The following SSTR4 variants were observed in gnomAD, a reference collection of about 807,000 sequenced individuals.
The protein encoded by SSTR4 is somatostatin receptor 4.
For synonymous variants in SSTR4, 272 were observed against 246.3 expected (o/e 1.10, Z -0.98); for missense variants, 649 against 540.6 (o/e 1.20, Z -1.99).
In SSTR4 at chr20:23,036,810, T is replaced by G. The variant is rs1984343330; in HGVS notation, c.*160T>G. The G allele has an allele frequency of 1.3e-6, 1 of 776,030 alleles. No individual in the cohort carries two copies. Among genetic ancestry groups the G allele is most frequent in the Non-Finnish European group, 2.0e-6 (1 of 498,692 alleles). The allele number at this position is 776,030 out of a possible 1,614,324, so 48.1% of individuals were successfully genotyped here. On this transcript the variant is annotated 3_prime_UTR_variant, in exon 1 of 1. Coordinates refer to ENST00000255008, the MANE Select transcript of SSTR4 (RefSeq NM_001052.4). ...CCGGAGAGTGTCAGAACTCTTCTGC[T>G]GCTCTCCTCTCCCCTGCACTCTGGC...
chr20:23,038,779 C>T lies in SSTR4; in HGVS notation c.*2129C>T, dbSNP rs1480818347. On this transcript the variant is annotated 3_prime_UTR_variant, in exon 1 of 1. Transcript: ENST00000255008. Reference sequence around the variant, plus strand: ...GGGCAGGAGATAGCACGCTTCTCTGCTTAGTCCTCCTTCCATCACCACTGG... The same window carrying T: ...GGGCAGGAGATAGCACGCTTCTCTGTTTAGTCCTCCTTCCATCACCACTGG... Among the ~76,000 whole-genome samples the T allele has an allele frequency of 6.6e-6, 1 of 152,224 alleles. No individual in the cohort carries two copies. Among genetic ancestry groups the T allele is most frequent in the African/African-American group, 2.4e-5 (1 of 41,456 alleles).
In SSTR4 at chr20:23,035,617, C is replaced by T. The variant is rs1420818755; in HGVS notation, c.134C>T (p.Ala45Val). 10 of 1,543,630 alleles carry T rather than the reference C, an allele frequency of 6.5e-6. No individual in the cohort carries two copies. The South Asian group carries it at 8.9e-5, about 14-fold the overall frequency. Residue 45 changes from alanine to valine, a missense_variant, in exon 1 of 1, where the codon GCG becomes GTG. Coordinates refer to ENST00000255008, the MANE Select transcript of SSTR4 (RefSeq NM_001052.4). ...GCGGGGCCCGGGGACGCGCGGGCGG[C>T]GGGCATGGTCGCTATCCAGTGCATC... ...AVAGPGDARA[A>V]GMVAIQCIYA...
In SSTR4 at chr20:23,035,726, T is replaced by C. The variant is rs1984287785; in HGVS notation, c.243T>C (p.Ala81=). The part of the protein sequence containing the change: ...VILRYAKMKT[A]TNIYLLNLAV... ...TTCGCTACGCCAAGATGAAGACGGC[T>C]ACCAACATCTACCTGCTCAACCTGG... Residue 81 remains alanine, a synonymous_variant, in exon 1 of 1, where the codon GCT becomes GCC. Coordinates refer to ENST00000255008, the MANE Select transcript of SSTR4 (RefSeq NM_001052.4). The C allele has an allele frequency of 6.4e-7, 1 of 1,573,154 alleles. No individual in the cohort carries two copies. Among genetic ancestry groups the C allele is most frequent in the Non-Finnish European group, 8.6e-7 (1 of 1,160,614 alleles).
Position 23,036,576 on chromosome 20 carries a change from C to T in SSTR4, c.1093C>T (p.Pro365Ser), listed in dbSNP as rs1036826418. Reference protein sequence around the residue: ...GGAGCMCPPLPCQQEALQPEP... With the variant: ...GGAGCMCPPLSCQQEALQPEP... ...GGCAGGGTGCATGTGCCCCCCACTC[C>T]CCTGCCAGCAGGAAGCCCTGCAACC... Residue 365 changes from proline to serine, a missense_variant, in exon 1 of 1, where the codon CCC (proline) becomes TCC (serine). Pro to Ser is a moderately conservative substitution (Grantham distance 74). Coordinates refer to ENST00000255008, the MANE Select transcript of SSTR4 (RefSeq NM_001052.4). 9 of 1,601,726 alleles carry T rather than the reference C, an allele frequency of 5.6e-6. No homozygotes were observed. The African/African-American group carries it at 9.4e-5, about 17-fold the overall frequency.
rs3746728 is a variant in SSTR4, at chr20:23,036,407, C to T, written c.924C>T (p.Pro308=). 595,224 of 1,613,856 alleles carry T rather than the reference C, an allele frequency of 0.37. 111,910 individuals carry two copies. The highest frequency in any genetic ancestry group is 0.46 in the Middle Eastern group (2,787 of 6,062). ...GCTATGCCAACAGCTGCGCCAACCC[C>T]ATTCTCTATGGCTTCCTCTCCGACA... The part of the protein sequence containing the change: ...ILSYANSCAN[P]ILYGFLSDNF... The change falls in exon 1 of 1, where the codon CCC becomes CCT. Residue 308 remains proline, a synonymous_variant. Transcript: ENST00000255008.
rs975639992 is a variant in SSTR4, at chr20:23,035,920, T to C, written c.437T>C (p.Val146Ala). 1.7e-5 allele frequency: 27 copies of C among 1,612,844 alleles called. No homozygotes were observed. Among genetic ancestry groups the C allele is most frequent in the Non-Finnish European group, 2.1e-5 (25 of 1,179,672 alleles). Reference protein sequence around the residue: ...CLTVLSVDRYVAVVHPLRAAT... With the variant: ...CLTVLSVDRYAAVVHPLRAAT... ...ACCGTGCTCAGCGTGGACCGCTACG[T>C]GGCCGTGGTGCACCCTCTGCGCGCG... The change falls in exon 1 of 1, where the codon GTG becomes GCG. Residue 146 changes from valine to alanine, a missense_variant. Coordinates refer to ENST00000255008, the MANE Select transcript of SSTR4 (RefSeq NM_001052.4).
chr20:23,035,469 C>T lies in SSTR4; in HGVS notation c.-15C>T, dbSNP rs769124119. 6.1e-6 allele frequency: 9 copies of T among 1,465,238 alleles called. No homozygotes were observed. The highest frequency in any genetic ancestry group is 8.0e-6 in the Non-Finnish European group (9 of 1,118,848). The allele number at this position is 1,465,238 out of a possible 1,614,324, so 90.8% of individuals were successfully genotyped here. ...CTCCGCCGCGCTCAGCTGCCCTGCGCCGGCACCCCTGGTCATGAGCGCCCC... is the reference window on the plus strand; with the variant it reads ...CTCCGCCGCGCTCAGCTGCCCTGCGTCGGCACCCCTGGTCATGAGCGCCCC... On this transcript the variant is annotated 5_prime_UTR_variant, in exon 1 of 1. Coordinates refer to ENST00000255008, the MANE Select transcript of SSTR4 (RefSeq NM_001052.4).
rs1182945647 is a variant in SSTR4 at position 23,036,863 on chromosome 20, G to A, written c.*213G>A. 9.5e-6 allele frequency: 5 copies of A among 527,996 alleles called. No individual in the cohort carries two copies. Among genetic ancestry groups the A allele is most frequent in the Non-Finnish European group, 1.6e-5 (5 of 303,606 alleles). 32.7% of individuals were successfully genotyped at this position (527,996 alleles called of 1,614,324 possible). ...TCAAAAGGATGCTTCCATATGGGTA[G>A]GACTCCTCTGGAAACTGGGCTAGGA... On this transcript the variant is annotated 3_prime_UTR_variant, in exon 1 of 1. Transcript: ENST00000255008.
In SSTR4 at chr20:23,036,333, T is replaced by G. The variant is rs3746726; in HGVS notation, c.850T>G (p.Phe284Val). ...CTACGTGGTGCAGCTGCTGAACCTC[T>G]TCGTGACCAGCCTTGATGCCACCGT... ...PFYVVQLLNL[F>V]VTSLDATVNH... Residue 284 changes from phenylalanine to valine, a missense_variant, in exon 1 of 1, where the codon TTC becomes GTC. Coordinates refer to ENST00000255008, the MANE Select transcript of SSTR4 (RefSeq NM_001052.4). The G allele has an allele frequency of 0.37, 594,337 of 1,613,980 alleles. 111,698 individuals carry two copies. The highest frequency in any genetic ancestry group is 0.46 in the Middle Eastern group (2,786 of 6,060).
In SSTR4 at chr20:23,035,338, C is replaced by A. The variant is rs912597005; in HGVS notation, c.-146C>A. On this transcript the variant is annotated 5_prime_UTR_variant, in exon 1 of 1. Coordinates refer to ENST00000255008, the MANE Select transcript of SSTR4 (RefSeq NM_001052.4). ...GGCGCGCGGCGCGGGGATTGGCGGG[C>A]GCTCCCCGGTGCCCGCAGCTCTTCA... 2 of 573,974 alleles carry A rather than the reference C, an allele frequency of 3.5e-6. No individual in the cohort carries two copies. The highest frequency in any genetic ancestry group is 4.7e-5 in the Admixed American group (1 of 21,238). The allele number at this position is 573,974 out of a possible 1,614,324, so 35.6% of individuals were successfully genotyped here. A position where few individuals can be genotyped will look rare whatever the true frequency, so the allele number is the denominator to read the frequency against.
At position 23,036,152 on chromosome 20, in the gene SSTR4, C is replaced by G. The variant is rs753745361; in HGVS notation, c.669C>G (p.Pro223=). ...VYTFLLGFLL[P]VLAIGLCYLL... The stretch of plus-strand genomic sequence containing the variant: ...CTTTCCTGCTGGGCTTCCTGCTGCC[C>G]GTGCTGGCCATTGGCCTGTGCTACC... The change falls in exon 1 of 1, where the codon CCC becomes CCG. Residue 223 remains proline (P), a synonymous_variant. Coordinates refer to ENST00000255008, the MANE Select transcript of SSTR4 (RefSeq NM_001052.4). 6.8e-6 allele frequency: 11 copies of G among 1,608,368 alleles called. No homozygotes were observed. Among genetic ancestry groups the G allele is most frequent in the African/African-American group, 2.7e-5 (2 of 74,924 alleles).
chr20:23,035,421 C>A lies in SSTR4; in HGVS notation c.-63C>A, dbSNP rs573667255. The A allele has an allele frequency of 1.3e-3, 1,569 of 1,220,230 alleles. 23 individuals are homozygous for A. The African/African-American group carries it at 0.023, about 18-fold the overall frequency. 75.6% of individuals were successfully genotyped at this position (1,220,230 alleles called of 1,614,324 possible). ...CAGCCCCCGCCCTGGGCCCGCCGCC[C>A]GAGCTCTCTGGCGCAGCGCTAGCTC... On this transcript the variant is annotated 5_prime_UTR_variant, in exon 1 of 1. Coordinates refer to ENST00000255008, the MANE Select transcript of SSTR4 (RefSeq NM_001052.4).
rs190872013 is a variant in SSTR4, at chr20:23,036,749, T to G, written c.*99T>G. ...GCATCTCCTGAATGCTCACCTAAGC[T>G]CCACCACCTGTTCCTTCCAGCAGCC... On this transcript the variant is annotated 3_prime_UTR_variant, in exon 1 of 1. Coordinates refer to ENST00000255008, the MANE Select transcript of SSTR4 (RefSeq NM_001052.4). The G allele has an allele frequency of 1.3e-5, 18 of 1,349,088 alleles. No individual in the cohort carries two copies. The Admixed American group carries it at 3.9e-4, about 29-fold the overall frequency. The allele number at this position is 1,349,088 out of a possible 1,614,324, so 83.6% of individuals were successfully genotyped here.
rs755862621 is a variant in SSTR4, at chr20:23,036,391, A to G, written c.908A>G (p.Asn303Ser). Residue 303 changes from asparagine (N) to serine (S), a missense_variant, in exon 1 of 1, where the codon AAC (asparagine) becomes AGC (serine). Coordinates refer to ENST00000255008, the MANE Select transcript of SSTR4 (RefSeq NM_001052.4). ...GTGTCCCTTATCCTTAGCTATGCCA[A>G]CAGCTGCGCCAACCCCATTCTCTAT... The part of the protein sequence containing the change: ...NHVSLILSYA[N>S]SCANPILYGF... The G allele has an allele frequency of 1.2e-6, 2 of 1,614,102 alleles. No homozygotes were observed. The highest frequency in any genetic ancestry group is 4.5e-5 in the East Asian group (2 of 44,862).
At position 23,038,511 on chromosome 20, in the gene SSTR4, T is replaced by A. The variant is rs1984387562; in HGVS notation, c.*1861T>A. On this transcript the variant is annotated 3_prime_UTR_variant, in exon 1 of 1. Coordinates refer to ENST00000255008, the MANE Select transcript of SSTR4 (RefSeq NM_001052.4). ...ATAAGACACATTCTATTTAGAAATG[T>A]CAGCCTTTTTAACTTAGTTGATGAA... Among the ~76,000 whole-genome samples, 1 of 152,236 alleles carries A rather than the reference T, an allele frequency of 6.6e-6. No individual in the cohort carries two copies. The highest frequency in any genetic ancestry group is 6.5e-5 in the Admixed American group (1 of 15,286).
chr20:23,035,844 G>T lies in SSTR4; in HGVS notation c.361G>T (p.Ala121Ser). 3 of 1,602,374 alleles carry T rather than the reference G, an allele frequency of 1.9e-6. No homozygotes were observed. The highest frequency in any genetic ancestry group is 2.6e-6 in the Non-Finnish European group (3 of 1,174,460). ...HWPFGSVLCRAVLSVDGLNMF... is the reference protein window; with the variant it reads ...HWPFGSVLCRSVLSVDGLNMF... Reference sequence around the variant, plus strand: ...GCCCTTCGGCTCCGTGCTGTGCCGCGCGGTGCTCAGCGTCGACGGCCTCAA... The same window carrying T: ...GCCCTTCGGCTCCGTGCTGTGCCGCTCGGTGCTCAGCGTCGACGGCCTCAA... The change falls in exon 1 of 1, where the codon GCG becomes TCG. Residue 121 changes from alanine (A) to serine (S), a missense_variant. By Grantham distance (99) the Ala-to-Ser change is moderately conservative (BLOSUM62 1). Coordinates refer to ENST00000255008, the MANE Select transcript of SSTR4 (RefSeq NM_001052.4).
Position 23,036,596 on chromosome 20 carries a change from G to A in SSTR4, c.1113G>A (p.Leu371=). 1 of 1,588,946 alleles carries A rather than the reference G, an allele frequency of 6.3e-7. No homozygotes were observed. Among genetic ancestry groups the A allele is most frequent in the Non-Finnish European group, 8.6e-7 (1 of 1,168,318 alleles). Residue 371 remains leucine (L), a synonymous_variant, in exon 1 of 1, where the codon CTG becomes CTA. Transcript: ENST00000255008. The part of the protein sequence containing the change: ...CPPLPCQQEA[L]QPEPGRKRIP... ...CACTCCCCTGCCAGCAGGAAGCCCTGCAACCAGAACCCGGCCGCAAGCGCA... is the reference window on the plus strand; with the variant it reads ...CACTCCCCTGCCAGCAGGAAGCCCTACAACCAGAACCCGGCCGCAAGCGCA...
At position 23,035,383 on chromosome 20, in the gene SSTR4, C is replaced by T; in HGVS notation, c.-101C>T. 1.1e-6 allele frequency: 1 copy of T among 897,860 alleles called. No individual in the cohort carries two copies. Among genetic ancestry groups the T allele is most frequent in the Non-Finnish European group, 1.5e-6 (1 of 688,700 alleles). 55.6% of individuals were successfully genotyped at this position (897,860 alleles called of 1,614,324 possible). ...TCTTCAGCGTAGCCGGGAAGAGCCGCGCGTCTGCGCGCCAGCCCCCGCCCT... is the reference window on the plus strand; with the variant it reads ...TCTTCAGCGTAGCCGGGAAGAGCCGTGCGTCTGCGCGCCAGCCCCCGCCCT... On this transcript the variant is annotated 5_prime_UTR_variant, in exon 1 of 1. Coordinates refer to ENST00000255008, the MANE Select transcript of SSTR4 (RefSeq NM_001052.4).
rs576810446 is a variant in SSTR4, at chr20:23,038,560, G to A, written c.*1910G>A. ...AAGGTTGAAGGAGAGGCAGCTTCAG[G>A]TGATGGAAAGAAAAGTCTCTGAGAG... is the stretch of plus-strand genomic sequence containing the variant. On this transcript the variant is annotated 3_prime_UTR_variant, in exon 1 of 1. Coordinates refer to ENST00000255008, the MANE Select transcript of SSTR4 (RefSeq NM_001052.4). Among the ~76,000 whole-genome samples the A allele has an allele frequency of 1.3e-5, 2 of 152,294 alleles. No individual in the cohort carries two copies. Among genetic ancestry groups the A allele is most frequent in the African/African-American group, 2.4e-5 (1 of 41,560 alleles).
Sources: allele counts gnomAD v4.1 joint callset (sites outside exome capture counted in the v4.1 genomes callset), GRCh38; gene constraint gnomAD v4.1.1; transcripts MANE v1.5; gene names NCBI Gene and HGNC (gene_info 2026-07-23, HGNC 2026-07-21).